The following CCSER1 variants were observed in gnomAD, a reference collection of about 807,000 sequenced individuals.
CCSER1 encodes coiled-coil serine rich protein 1.
In CCSER1, 41 loss-of-function variants were observed where a neutral mutation model predicts 82.0. The ratio of observed to expected loss-of-function variants is 0.50; its 90% confidence interval spans 0.39 to 0.65. The LOEUF (loss-of-function observed/expected upper bound fraction) is 0.65, where lower values mean the gene tolerates loss of function less well. Ranked by LOEUF, CCSER1 falls within the 30% of genes least tolerant of loss-of-function variation. CCSER1 has a pLI of 0.00. For missense variants in CCSER1, 1,119 were observed against 1,064.2 expected (o/e 1.05, Z -0.72); for synonymous variants, 414 against 383.9 (o/e 1.08, Z -0.92).
At chr4:91,285,925 A>G (rs1262257801) in intron 10 of CCSER1, among the ~76,000 whole-genome samples, 1 of 151,026 alleles carries the variant, frequency 6.6e-6, no homozygotes, top group Non-Finnish European at 1.5e-5. Flanking sequence ...GTGAATACCT[A>G]TCTAGAAATT....
chr4:90,428,774 A>G (rs1017073021), intron 4 of CCSER1, among the ~76,000 whole-genome samples: 2 of 151,878 alleles, frequency 1.3e-5, no homozygotes, highest in African/African-American at 4.8e-5. Flanking sequence ...TTTATTTTTG[A>G]TAAAGTAAAA....
At chr4:91,594,609 A>C (rs1764468867) in intron 10 of CCSER1, among the ~76,000 whole-genome samples, 1 of 151,864 alleles carries the variant, frequency 6.6e-6, no homozygotes, top group African/African-American at 2.4e-5. Context: ...ATGTACTTCT[A>C]AACATATTCC....
chr4:90,669,048 C>T (rs1732315399), intron 6 of CCSER1, among the ~76,000 whole-genome samples: 1 of 151,908 alleles, frequency 6.6e-6, no homozygotes, highest in Admixed American at 6.6e-5. Flanking sequence ...AATCAAAACT[C>T]TGTTTTCATA....
intron 9 of CCSER1, among the ~76,000 whole-genome samples, chr4:91,026,744 C>G (rs905820444): frequency 1.1e-4 from 17 of 152,020 alleles, no homozygotes; most frequent in African/African-American, 3.6e-4. Flanking sequence ...GAGTTAATAG[C>G]TTAGTGTAAA....
At chr4:90,349,424 G>T (rs1471083301) in intron 3 of CCSER1, among the ~76,000 whole-genome samples, 1 of 152,000 alleles carries the variant, frequency 6.6e-6, no homozygotes, top group Non-Finnish European at 1.5e-5. Context: ...TAGGATATAG[G>T]ATAGAAACGT....
chr4:90,332,323 G>A lies in CCSER1; in HGVS notation c.1509+19276G>A, dbSNP rs113930160. Among the ~76,000 whole-genome samples the A allele has an allele frequency of 7.6e-3, 1,139 of 150,232 alleles. 15 individuals carry two copies. Among genetic ancestry groups the A allele is most frequent in the African/African-American group, 0.027 (1,091 of 40,974 alleles). ...TTGATTTTGGCTCACTGCAACCTCC[G>A]CCTACTGGGTTCAAGCAATTCTCCT... On this transcript the variant is annotated intron_variant, in intron 3 of 10. Transcript: ENST00000509176.
At chr4:90,339,429 G>C (rs1017290578) in intron 3 of CCSER1, among the ~76,000 whole-genome samples, 5 of 151,792 alleles carry the variant, frequency 3.3e-5, no homozygotes. Flanking sequence ...ATTATGTTAT[G>C]TCTGTTCTCA....
chr4:91,102,601 C>G (rs62312189), intron 10 of CCSER1, among the ~76,000 whole-genome samples: 1 of 151,944 alleles, frequency 6.6e-6, no homozygotes, highest in Admixed American at 6.6e-5. Context: ...TTTTTAGAAT[C>G]AGTTAAACCT....
intron 4 of CCSER1, among the ~76,000 whole-genome samples, chr4:90,434,945 G>A (rs1179515620): frequency 6.6e-6 from 1 of 152,070 alleles, no homozygotes; most frequent in East Asian, 1.9e-4. Context: ...GTTGGTATTG[G>A]CCTCTGCGTG....
intron 8 of CCSER1, among the ~76,000 whole-genome samples, chr4:90,915,439 A>G (rs1727201506): frequency 6.6e-6 from 1 of 152,230 alleles, no homozygotes; most frequent in Non-Finnish European, 1.5e-5. Flanking sequence ...ATAGATGCAG[A>G]AAAGGCCTTT....
At chr4:90,191,359 G>A (rs189974556) in intron 1 of CCSER1, among the ~76,000 whole-genome samples, 4 of 152,154 alleles carry the variant, frequency 2.6e-5, no homozygotes, top group African/African-American at 9.6e-5. Context: ...GAATGAGATA[G>A]ATGGTCAGAA....
At chr4:90,241,464 A>G (rs1259646418) in intron 1 of CCSER1, among the ~76,000 whole-genome samples, 2 of 152,182 alleles carry the variant, frequency 1.3e-5, no homozygotes, top group Non-Finnish European at 2.9e-5. Context: ...ATCATTCACA[A>G]TATTTATGTC....
chr4:90,428,915 T>C (rs948463549), intron 4 of CCSER1, among the ~76,000 whole-genome samples: 7 of 151,824 alleles, frequency 4.6e-5, no homozygotes, highest in African/African-American at 1.7e-4. Context: ...TGTGGTATAC[T>C]GGCTGACATC....
chr4:90,548,203 T>C (rs1177436121), intron 5 of CCSER1, among the ~76,000 whole-genome samples: 2 of 152,146 alleles, frequency 1.3e-5, no homozygotes, highest in East Asian at 3.9e-4. Context: ...ACTCTGGTAG[T>C]GTGTAGGACT....
chr4:91,114,364 T>A (rs1477173092), intron 10 of CCSER1, among the ~76,000 whole-genome samples: 1 of 152,096 alleles, frequency 6.6e-6, no homozygotes, highest in Non-Finnish European at 1.5e-5. Flanking sequence ...GTGACTTCCA[T>A]TATCAACACT....
chr4:90,136,929 ATT>A (rs74416874), intron 1 of CCSER1, among the ~76,000 whole-genome samples: 1 of 152,208 alleles, frequency 6.6e-6, no homozygotes, highest in East Asian at 1.9e-4. Flanking sequence ...ATAAATATAA[ATT>A]AAGAATAACT....
At chr4:90,347,688 C>T (rs551780337) in intron 3 of CCSER1, among the ~76,000 whole-genome samples, 2 of 152,010 alleles carry the variant, frequency 1.3e-5, no homozygotes, top group African/African-American at 2.4e-5. Context: ...CCAGTTGAGG[C>T]CACAGCAGCA....
intron 10 of CCSER1, among the ~76,000 whole-genome samples, chr4:91,222,011 T>A (rs1737790473): frequency 6.6e-6 from 1 of 152,030 alleles, no homozygotes; most frequent in South Asian, 2.1e-4. Flanking sequence ...ATGCATGTTC[T>A]ATGAAGAAAA....
At position 90,703,404 on chromosome 4, in the gene CCSER1, A is replaced by G. The variant is rs138688290; in HGVS notation, c.1933-20510A>G. On this transcript the variant is annotated intron_variant, in intron 6 of 10. Transcript: ENST00000509176. The stretch of plus-strand genomic sequence containing the variant: ...TGCTTTACTTCCAACTATGTGGTCA[A>G]TTTTGGAATAAGTGCAGTGTGTGGC... Among the ~76,000 whole-genome samples the G allele has an allele frequency of 4.9e-3, 751 of 152,240 alleles. 8 individuals are homozygous for G. Among genetic ancestry groups the G allele is most frequent in the African/African-American group, 0.017 (713 of 41,542 alleles).
Sources: allele counts gnomAD v4.1 joint callset (sites outside exome capture counted in the v4.1 genomes callset), GRCh38; gene constraint gnomAD v4.1.1; transcripts MANE v1.5; gene names NCBI Gene and HGNC (gene_info 2026-07-23, HGNC 2026-07-21).